Variants in NUMA1 observed in about 807,000 individuals in gnomAD.
NUMA1 encodes nuclear mitotic apparatus protein 1, also known as SP-H antigen.
A neutral mutation model predicts 237.1 loss-of-function variants in NUMA1; 62 were observed. The observed-to-expected ratio is 0.26, with a 90% CI of 0.21 to 0.32. The LOEUF is 0.32. Among genes scored for constraint, NUMA1 ranks in the 10% least tolerant of loss-of-function variants. NUMA1 has a pLI of 1.00. For synonymous variants in NUMA1, 1,028 were observed against 1,066.1 expected (o/e 0.96, Z 0.70); for missense variants, 2,533 against 2,666.5 (o/e 0.95, Z 1.10).
In NUMA1 at chr11:72,013,747, C is replaced by T; in HGVS notation, c.3756G>A (p.Lys1252=). The change falls in exon 15 of 27, where the codon AAG becomes AAA. Residue 1252 remains lysine (K), a synonymous_variant. Transcript: ENST00000393695. This position sits in a 1 kb window ranked among gnomAD's most constrained non-coding sequence, Gnocchi z 6.8. ...TCTCTGACTCGGCCATCACCAGCCG[C>T]TTCAACTCCTTGCTCTCCCCCTCCT... ...LEKEGESKEL[K]RLVMAESEKS... The T allele has an allele frequency of 6.2e-7, 1 of 1,610,154 alleles. No homozygotes were observed. Among genetic ancestry groups the T allele is most frequent in the Non-Finnish European group, 8.5e-7 (1 of 1,180,016 alleles).
intron 3 of NUMA1, among the ~76,000 whole-genome samples, chr11:72,029,555 G>C (rs574632909): frequency 1.3e-5 from 2 of 152,340 alleles, no homozygotes; most frequent in Admixed American, 1.3e-4. Flanking sequence ...AGCACTGGGA[G>C]TATTTTGGAA....
At chr11:72,077,118 A>G (rs1200991629) in intron 1 of NUMA1, among the ~76,000 whole-genome samples, 1 of 152,200 alleles carries the variant, frequency 6.6e-6, no homozygotes, top group Non-Finnish European at 1.5e-5. Context: ...TAGAAATGGA[A>G]ATTATGAAAG....
At chr11:72,045,137 C>T (rs891663999) in intron 2 of NUMA1, among the ~76,000 whole-genome samples, 1 of 152,108 alleles carries the variant, frequency 6.6e-6, no homozygotes, top group African/African-American at 2.4e-5. Flanking sequence ...CCCCATAACA[C>T]CTAGCACACT....
In NUMA1 at chr11:72,003,947, G is replaced by T. The variant is rs1408561671; in HGVS notation, c.6276C>A (p.Thr2092=). ...SGTRRSPRIA[T]TTASAATAAA... The stretch of plus-strand genomic sequence containing the variant: ...CAGCAGTGGCGGCGCTGGCTGTGGT[G>T]GTGGCAATGCGCGGAGAACGGCGGG... Residue 2092 remains threonine, a synonymous_variant, in exon 26 of 27, where the codon ACC becomes ACA. Coordinates refer to ENST00000393695, the MANE Select transcript of NUMA1 (RefSeq NM_006185.4). 6.2e-7 allele frequency: 1 copy of T among 1,613,642 alleles called. No homozygotes were observed. The highest frequency in any genetic ancestry group is 8.5e-7 in the Non-Finnish European group (1 of 1,179,794).
At position 72,012,404 on chromosome 11, in the gene NUMA1, C is replaced by T; in HGVS notation, c.4647G>A (p.Lys1549=). The T allele has an allele frequency of 1.2e-6, 2 of 1,613,022 alleles. No homozygotes were observed. Among genetic ancestry groups the T allele is most frequent in the Non-Finnish European group, 1.7e-6 (2 of 1,179,526 alleles). ...TAGCGAGGACCTCAGGCATTACCTGCTTAGTTTGCTCTCTCTGAAATACCT... is the reference window on the plus strand; with the variant it reads ...TAGCGAGGACCTCAGGCATTACCTGTTTAGTTTGCTCTCTCTGAAATACCT... The part of the protein sequence containing the change: ...QLEVFQREQT[K]QVEELSKKLA... The change falls in exon 16 of 27, where the codon AAG becomes AAA. Residue 1549 remains lysine (K), a synonymous_variant. Coordinates refer to ENST00000393695, the MANE Select transcript of NUMA1 (RefSeq NM_006185.4).
chr11:72,017,923 A>G, intron 12 of NUMA1, 96 bp from the exon 13 acceptor site: 1 of 1,398,340 alleles, frequency 7.2e-7, no homozygotes, highest in Non-Finnish European at 9.8e-7. Context: ...GATGCCTCCA[A>G]TTATCCTGCC....
Position 72,013,150 on chromosome 11 carries a change from G to A in NUMA1, c.4353C>T (p.Asn1451=). ...GGTTGGCCCGCTCACCCAGCCCCCG[G>A]TTCTCCTCTGCCAGCAGGCCATGCG... ...KKAHGLLAEE[N]RGLGERANLG... is the part of the protein sequence containing the mutation. Residue 1451 remains asparagine (N), a synonymous_variant, in exon 15 of 27, where the codon AAC becomes AAT. Coordinates refer to ENST00000393695, the MANE Select transcript of NUMA1 (RefSeq NM_006185.4). The surrounding 1 kb of genome is among the most constrained non-coding windows in gnomAD (Gnocchi z 6.8). The A allele has an allele frequency of 1.2e-6, 2 of 1,614,024 alleles. No homozygotes were observed. Among genetic ancestry groups the A allele is most frequent in the Non-Finnish European group, 1.7e-6 (2 of 1,180,048 alleles).
At position 72,030,819 on chromosome 11, in the gene NUMA1, A is replaced by T. The variant is rs548541455; in HGVS notation, c.43-1529T>A. Among the ~76,000 whole-genome samples, 5 of 152,312 alleles carry T rather than the reference A, an allele frequency of 3.3e-5. No individual in the cohort carries two copies. The East Asian group carries it at 9.6e-4, about 29-fold the overall frequency. ...GTTCTCTATATTTGGGCTGGGAGCCAGTACATACACACTTTGGGCCCAGCT... is the reference window on the plus strand; with the variant it reads ...GTTCTCTATATTTGGGCTGGGAGCCTGTACATACACACTTTGGGCCCAGCT... On this transcript the variant is annotated intron_variant, in intron 3 of 26. Transcript: ENST00000393695.
chr11:72,012,915 T>A lies in NUMA1; in HGVS notation c.4588A>T (p.Arg1530Trp), dbSNP rs1956249916. ...CTTACCTGGGCAGTGAGTTTCTGCC[T>A]CTCTTCCTGGAACCGCTGCCTCTCC... ...LEERQRFQEE[R>W]QKLTAQVEQL... Residue 1530 changes from arginine to tryptophan, a missense_variant, in exon 15 of 27, where the codon AGG (arginine) becomes TGG (tryptophan). Arg to Trp is a moderately radical substitution (Grantham distance 101). Around this residue, in one of 3 missense-constraint regions of NUMA1, gnomAD observed 324 missense variants for 407.6 expected, o/e 0.79. Transcript: ENST00000393695. The A allele has an allele frequency of 3.1e-6, 5 of 1,614,022 alleles. No homozygotes were observed. The highest frequency in any genetic ancestry group is 3.4e-6 in the Non-Finnish European group (4 of 1,179,958).
chr11:72,018,494 C>T lies in NUMA1; in HGVS notation c.762G>A (p.Met254Ile). 1 of 1,614,080 alleles carries T rather than the reference C, an allele frequency of 6.2e-7. No homozygotes were observed. The highest frequency in any genetic ancestry group is 8.5e-7 in the Non-Finnish European group (1 of 1,179,950). ...GGGCTAGGCGGTCAATGCGCTGCTG[C>T]ATCATGGCTATCTGTGCATCTGCCC... is the stretch of plus-strand genomic sequence containing the variant. ...LTEKDAQIAM[M>I]QQRIDRLALL... The change falls in exon 11 of 27, where the codon ATG becomes ATA. Residue 254 changes from methionine (M) to isoleucine (I), a missense_variant. This residue lies in a region of NUMA1 where 1,414 missense variants were observed against 1,508.1 expected (regional missense o/e 0.94). Coordinates refer to ENST00000393695, the MANE Select transcript of NUMA1 (RefSeq NM_006185.4).
At chr11:72,007,591 G>A in intron 20 of NUMA1, 156 bp from the exon 21 acceptor site, 7 of 905,752 alleles carry the variant, frequency 7.7e-6, no homozygotes, top group Non-Finnish European at 1.0e-5. Context: ...GAAAGCACTT[G>A]ACCTGGGCCT....
intron 1 of NUMA1, among the ~76,000 whole-genome samples, chr11:72,077,003 TAATAAA>T (rs1008604329): frequency 1.3e-5 from 2 of 151,932 alleles, no homozygotes; most frequent in African/African-American, 4.8e-5. Context: ...AAAAGTTAGC[TAATAAA>T]AATAAGAATT....
chr11:72,077,171 A>C (rs552966), intron 1 of NUMA1, among the ~76,000 whole-genome samples: 119,474 of 152,124 alleles, frequency 0.79, 50,104 homozygotes, highest in Non-Finnish European at 0.94. Flanking sequence ...GTTCAACATA[A>C]GTTACGCATG....
chr11:72,053,964 G>T (rs2136065738), intron 2 of NUMA1, among the ~76,000 whole-genome samples: 1 of 152,268 alleles, frequency 6.6e-6, no homozygotes, highest in East Asian at 1.9e-4. Context: ...ACGTGTGAAG[G>T]TTATATGCTA....
In NUMA1 at chr11:72,015,364, G is replaced by C; in HGVS notation, c.2139C>G (p.Val713=). ...QLQALKESLK[V]TKGSLEEEKR... ...TCTCCTCTTCAAGGCTGCCCTTGGT[G>C]ACCTTCAAGGACTCTTTGAGGGCCT... Residue 713 remains valine, a synonymous_variant, in exon 15 of 27, where the codon GTC becomes GTG. Coordinates refer to ENST00000393695, the MANE Select transcript of NUMA1 (RefSeq NM_006185.4). The surrounding 1 kb of genome is among the most constrained non-coding windows in gnomAD (Gnocchi z 4.0). 6.2e-7 allele frequency: 1 copy of C among 1,612,824 alleles called. No homozygotes were observed. The highest frequency in any genetic ancestry group is 8.5e-7 in the Non-Finnish European group (1 of 1,180,028).
intron 3 of NUMA1, among the ~76,000 whole-genome samples, chr11:72,030,563 A>G (rs1009356804): frequency 1.8e-4 from 28 of 152,176 alleles, no homozygotes; most frequent in African/African-American, 6.0e-4. Flanking sequence ...TACATGGTCA[A>G]CCTCTACAGG....
chr11:72,044,069 C>T (rs976034836), intron 2 of NUMA1, among the ~76,000 whole-genome samples: 6 of 152,140 alleles, frequency 3.9e-5, no homozygotes, highest in Non-Finnish European at 7.3e-5. Context: ...CTTAAAAACT[C>T]CCTTAATGAA....
intron 16 of NUMA1, among the ~76,000 whole-genome samples, chr11:72,012,086 G>A (rs536870859): frequency 2.6e-5 from 4 of 152,294 alleles, no homozygotes; most frequent in African/African-American, 9.6e-5. Context: ...GGAAGTTCTC[G>A]AATCCCAAGG....
At chr11:72,020,541 A>G (rs762100950) in intron 8 of NUMA1, 2 of 152,122 alleles carry the variant, frequency 1.3e-5, no homozygotes. Flanking sequence ...CTGCCTTTCC[A>G]CCTAGAACAT....
Sources: gnomAD v4.1 joint callset for allele counts (sites outside exome capture counted in the v4.1 genomes callset) on GRCh38, gnomAD v4.1.1 for gene constraint, gnomAD v4.1.1 regional missense constraint, Gnocchi (gnomAD v3.1) non-coding constraint, MANE v1.5 for transcripts, NCBI Gene and HGNC (gene_info 2026-07-23, HGNC 2026-07-21) for gene names.